STARD13: variants seen among roughly 807,000 people sequenced by gnomAD.
STARD13 encodes stAR-related lipid transfer protein 13.
STARD13 carries 62 observed loss-of-function variants against 106.4 expected under a neutral mutation model. The observed-to-expected ratio is 0.58, with a 90% CI of 0.48 to 0.72. STARD13 has a LOEUF of 0.72. Among genes scored for constraint, STARD13 ranks in the 30% least tolerant of loss-of-function variants. The pLI is 0.00. For synonymous variants in STARD13, 565 were observed against 553.0 expected, an observed-to-expected ratio of 1.02 and a Z score of -0.31; for missense variants, 1,387 against 1,424.0, an observed-to-expected ratio of 0.97 and a Z score of 0.42.
At chr13:33,242,930 G>A (rs1422683045) in intron 1 of STARD13, among the ~76,000 whole-genome samples, 2 of 152,128 alleles carry the variant, frequency 1.3e-5, no homozygotes, top group South Asian at 2.1e-4. Context: ...AAGTTAGCAG[G>A]TATATATTAC....
the STARD13 span, among the ~76,000 whole-genome samples, chr13:33,503,391 T>C: frequency 7.2e-5 from 11 of 152,088 alleles, no homozygotes; most frequent in East Asian, 1.9e-4. Flanking sequence ...TTCAGTTCTG[T>C]TCTGATCTTA....
the STARD13 span, among the ~76,000 whole-genome samples, chr13:33,374,564 A>G: frequency 2.0e-5 from 3 of 152,244 alleles, no homozygotes; most frequent in Non-Finnish European, 4.4e-5. Flanking sequence ...AGATAGCGGC[A>G]AGCCACTAGA....
At chr13:33,126,020 C>A in intron 7 of STARD13, 61 bp downstream of exon 7, 3 of 1,582,672 alleles carry the variant, frequency 1.9e-6, no homozygotes, top group Non-Finnish European at 1.7e-6. Flanking sequence ...GTCTGACATC[C>A]CCTCAATCCA....
At chr13:33,432,804 T>G in the STARD13 span, among the ~76,000 whole-genome samples, 2 of 152,314 alleles carry the variant, frequency 1.3e-5, no homozygotes, top group Non-Finnish European at 2.9e-5. Context: ...AAACAGAGAT[T>G]GCTGTTTCAA....
chr13:33,654,821 C>T, the STARD13 span: 2 of 152,214 alleles, frequency 1.3e-5, no homozygotes, highest in Non-Finnish European at 2.9e-5. Context: ...AGCACTGGGT[C>T]TTCTGTAGCT....
chr13:33,556,142 A>T, the STARD13 span, among the ~76,000 whole-genome samples: 6 of 152,240 alleles, frequency 3.9e-5, no homozygotes, highest in Non-Finnish European at 7.3e-5. Flanking sequence ...TTATGGAAAA[A>T]TTCATAAGGT....
intron 4 of STARD13, among the ~76,000 whole-genome samples, chr13:33,137,333 G>C (rs1879189995): frequency 6.6e-6 from 1 of 152,196 alleles, no homozygotes; most frequent in African/African-American, 2.4e-5. Context: ...TGCACCATAA[G>C]GTCTCTCTCT....
intron 1 of STARD13, among the ~76,000 whole-genome samples, chr13:33,296,765 C>A (rs934749714): frequency 2.0e-5 from 3 of 151,936 alleles, no homozygotes; most frequent in Non-Finnish European, 4.4e-5. Flanking sequence ...ATTACAGGGG[C>A]CCCCCACCAC....
At chr13:33,673,098 G>A in the STARD13 span, among the ~76,000 whole-genome samples, 2 of 152,256 alleles carry the variant, frequency 1.3e-5, no homozygotes, top group East Asian at 1.9e-4. Flanking sequence ...TGCTATCCAC[G>A]CATTTTATTC....
the STARD13 span, among the ~76,000 whole-genome samples, chr13:33,417,481 C>A: frequency 1.5e-3 from 229 of 152,094 alleles, no homozygotes; most frequent in Non-Finnish European, 2.6e-3. Flanking sequence ...ATGTTCATAG[C>A]GGCATTATTC....
intron 3 of STARD13, among the ~76,000 whole-genome samples, chr13:33,153,410 G>A (rs1881546829): frequency 6.6e-6 from 1 of 152,198 alleles, no homozygotes; most frequent in South Asian, 2.1e-4. Context: ...GGCCTGGGAG[G>A]ATGGCCAGGA....
At chr13:33,508,643 G>A in the STARD13 span, among the ~76,000 whole-genome samples, 42 of 152,332 alleles carry the variant, frequency 2.8e-4, no homozygotes, top group African/African-American at 9.9e-4. Context: ...ATAAGCTGAG[G>A]TGAGAGGGAG....
the STARD13 span, among the ~76,000 whole-genome samples, chr13:33,405,782 T>C: frequency 6.6e-6 from 1 of 152,226 alleles, no homozygotes; most frequent in Non-Finnish European, 1.5e-5. Flanking sequence ...TGTGTCATCA[T>C]ATTGTGCTTC....
chr13:33,348,314 A>G (rs1210748136), downstream of STARD13, among the ~76,000 whole-genome samples: 1 of 152,216 alleles, frequency 6.6e-6, no homozygotes, highest in Non-Finnish European at 1.5e-5. Context: ...TTTATTTCCC[A>G]GGATTAAAAC....
chr13:33,622,502 A>G, the STARD13 span, among the ~76,000 whole-genome samples: 25,330 of 150,644 alleles, frequency 0.17, 4,491 homozygotes, highest in African/African-American at 0.45. Context: ...AGTCGGGCGT[A>G]CTAGCAGGCG....
intron 2 of STARD13, among the ~76,000 whole-genome samples, chr13:33,167,331 A>G (rs1229732057): frequency 2.0e-5 from 3 of 152,172 alleles, no homozygotes; most frequent in Admixed American, 2.0e-4. Flanking sequence ...GATGGGAATT[A>G]GTAGTGGGAA....
chr13:33,515,159 C>A, the STARD13 span, among the ~76,000 whole-genome samples: 1 of 152,134 alleles, frequency 6.6e-6, no homozygotes, highest in East Asian at 1.9e-4. Context: ...AAAGTGGAAT[C>A]TTTCAAATGT....
At chr13:33,472,056 G>A in the STARD13 span, among the ~76,000 whole-genome samples, 31 of 152,044 alleles carry the variant, frequency 2.0e-4, no homozygotes, top group African/African-American at 6.5e-4. Context: ...AACAGATGGT[G>A]CCTTTCTTTT....
intron 4 of STARD13, among the ~76,000 whole-genome samples, chr13:33,132,676 C>T (rs1878487656): frequency 6.6e-6 from 1 of 151,950 alleles, no homozygotes; most frequent in African/African-American, 2.4e-5. Flanking sequence ...CATATCAAGA[C>T]CCTGTCTCTT....
Sources: gnomAD v4.1 joint callset for allele counts (sites outside exome capture counted in the v4.1 genomes callset) on GRCh38, gnomAD v4.1.1 for gene constraint, MANE v1.5 for transcripts, NCBI Gene and HGNC (gene_info 2026-07-23, HGNC 2026-07-21) for gene names.